TRIO: variants seen among roughly 807,000 people sequenced by gnomAD.
TRIO encodes triple functional domain protein.
A neutral mutation model predicts 351.9 loss-of-function variants in TRIO; 58 were observed. That is an observed-to-expected ratio of 0.16 (90% CI 0.13 to 0.21). The LOEUF (loss-of-function observed/expected upper bound fraction) is 0.21, where lower values mean the gene tolerates loss of function less well. TRIO is among the 10% of genes least tolerant of loss of function. The pLI is 1.00. For missense variants in TRIO, 3,201 were observed against 4,027.8 expected (o/e 0.79, Z 5.56); for synonymous variants, 1,758 against 1,595.7 (o/e 1.10, Z -2.42).
At chr5:14,317,622 G>T (rs1739483904) in intron 9 of TRIO, among the ~76,000 whole-genome samples, 1 of 152,186 alleles carries the variant, frequency 6.6e-6, no homozygotes. Flanking sequence ...GTGTTCTGAT[G>T]AGACTGAGAT....
intron 34 of TRIO, among the ~76,000 whole-genome samples, chr5:14,449,483 C>T (rs947489002): frequency 6.6e-6 from 1 of 152,200 alleles, no homozygotes; most frequent in Non-Finnish European, 1.5e-5. Context: ...GCCCAACAAC[C>T]ACCACTTGAT....
rs57424190 is a variant in TRIO at position 14,291,788 on chromosome 5, T to TAAA, written c.1053+586_1053+588dup. Among the ~76,000 whole-genome samples the TAAA allele has an allele frequency of 4.3e-3, 433 of 100,880 alleles. 18 individuals are homozygous for TAAA. The highest frequency in any genetic ancestry group is 0.019 in the African/African-American group (416 of 22,468). The allele number at this position is 100,880 out of a possible 152,430, so 66.2% of individuals were successfully genotyped here. A position where few individuals can be genotyped will look rare whatever the true frequency, so the allele number is the denominator to read the frequency against. ...TGGGCGACAGAGTGAGACTCCGTCT[T>TAAA]AAAAAAAAAAAAAAAAAAAAAAAAA... On this transcript the variant is annotated intron_variant, in intron 5 of 56. Coordinates refer to ENST00000344204, the MANE Select transcript of TRIO (RefSeq NM_007118.4).
In TRIO at chr5:14,286,955, C is replaced by T. The variant is rs1269911215; in HGVS notation, c.432C>T (p.Ile144=). 6.2e-7 allele frequency: 1 copy of T among 1,614,200 alleles called. No individual in the cohort carries two copies. The highest frequency in any genetic ancestry group is 1.3e-5 in the African/African-American group (1 of 75,052). Residue 144 remains isoleucine (I), a synonymous_variant, in exon 4 of 57, where the codon ATC becomes ATT. Transcript: ENST00000344204. The surrounding 1 kb of genome is among the most constrained non-coding windows in gnomAD (Gnocchi z 4.4). ...ACTCCATCAAGCCCCTTCTGAAGAT[C>T]CTGCAGGAGTCCTTCCCCTGCTGCA... ...KWDSIKPLLK[I]LQESFPCCIH...
chr5:14,424,840 C>T (rs1359677982), intron 34 of TRIO, among the ~76,000 whole-genome samples: 1 of 152,178 alleles, frequency 6.6e-6, no homozygotes, highest in East Asian at 1.9e-4. Flanking sequence ...GTGGGTCCAC[C>T]CTGCTTTTCT....
intron 1 of TRIO, among the ~76,000 whole-genome samples, chr5:14,156,782 C>CT (rs1358012448): frequency 6.6e-6 from 1 of 152,166 alleles, no homozygotes; most frequent in African/African-American, 2.4e-5. Flanking sequence ...AGCTCAGTGC[C>CT]TTGTCAGTTA....
At chr5:14,181,276 C>T in intron 1 of TRIO, among the ~76,000 whole-genome samples, 1 of 152,166 alleles carries the variant, frequency 6.6e-6, no homozygotes, top group Admixed American at 6.5e-5. Context: ...AGGAAATGTC[C>T]TTTCAGATAC....
intron 27 of TRIO, among the ~76,000 whole-genome samples, chr5:14,393,716 C>T (rs1747315486): frequency 6.6e-6 from 1 of 152,122 alleles, no homozygotes; most frequent in African/African-American, 2.4e-5. Context: ...AGGAATACAA[C>T]CTTTACATGC....
At chr5:14,179,158 T>C (rs1267050495) in intron 1 of TRIO, among the ~76,000 whole-genome samples, 15 of 152,116 alleles carry the variant, frequency 9.9e-5, no homozygotes, top group Non-Finnish European at 2.1e-4. Context: ...CACGTCGGTG[T>C]CCCGTCCTGC....
chr5:14,239,767 CAG>C (rs540957465), intron 1 of TRIO, among the ~76,000 whole-genome samples: 68 of 152,284 alleles, frequency 4.5e-4, no homozygotes, highest in Middle Eastern at 3.4e-3. Context: ...AGATTTAGAA[CAG>C]AGGCGCAAAA....
intron 11 of TRIO, among the ~76,000 whole-genome samples, chr5:14,351,685 G>C (rs1388723490): frequency 6.6e-6 from 1 of 152,234 alleles, no homozygotes; most frequent in South Asian, 2.1e-4. Flanking sequence ...AGTGCTCCAA[G>C]AATTTCCCAA....
chr5:14,366,811 G>A (rs891080557), intron 15 of TRIO, 49 bp from the exon 16 acceptor site: 6 of 1,611,564 alleles, frequency 3.7e-6, no homozygotes, highest in Admixed American at 1.7e-5. Context: ...TGGTCCACAG[G>A]ATTCTCTGGG....
chr5:14,472,721 G>A (rs926185877), intron 39 of TRIO, 63 bp downstream of exon 39: 26 of 1,544,792 alleles, frequency 1.7e-5, no homozygotes, highest in Middle Eastern at 1.7e-4. Context: ...AAGTAGTATC[G>A]TTTTAGACAG....
intron 11 of TRIO, among the ~76,000 whole-genome samples, chr5:14,350,092 G>A (rs1323433538): frequency 6.6e-6 from 1 of 152,178 alleles, no homozygotes; most frequent in Non-Finnish European, 1.5e-5. Context: ...CTCTGAAAGG[G>A]GAGAGTGTTG....
At chr5:14,186,831 G>A (rs1344902413) in intron 1 of TRIO, among the ~76,000 whole-genome samples, 1 of 152,080 alleles carries the variant, frequency 6.6e-6, no homozygotes, top group East Asian at 1.9e-4. Flanking sequence ...ACCTGTCTCG[G>A]CCTCCCAAAA....
In TRIO at chr5:14,488,201, C is replaced by A; in HGVS notation, c.7573C>A (p.Arg2525Ser). 6.3e-7 allele frequency: 1 copy of A among 1,596,080 alleles called. No individual in the cohort carries two copies. Among genetic ancestry groups the A allele is most frequent in the East Asian group, 2.2e-5 (1 of 44,658 alleles). ...RHAAPGKDTD[R>S]MSTCSSASEQ... is the part of the protein sequence containing the mutation. ...CGCGGCCCCTGGCAAGGATACTGAC[C>A]GCATGAGCACGTGCTCCTCGGCCAG... Residue 2525 changes from arginine to serine, a missense_variant, in exon 48 of 57, where the codon CGC becomes AGC. Coordinates refer to ENST00000344204, the MANE Select transcript of TRIO (RefSeq NM_007118.4).
intron 8 of TRIO, among the ~76,000 whole-genome samples, chr5:14,307,712 A>C (rs1033181705): frequency 6.6e-6 from 1 of 152,200 alleles, no homozygotes; most frequent in Non-Finnish European, 1.5e-5. Flanking sequence ...CTCTAATAGA[A>C]TACCAGTCTC....
rs114650648 is a variant in TRIO at position 14,368,146 on chromosome 5, A to G, written c.2875-562A>G. Among the ~76,000 whole-genome samples the G allele has an allele frequency of 9.0e-3, 1,374 of 152,302 alleles. 18 individuals carry two copies. The highest frequency in any genetic ancestry group is 0.031 in the African/African-American group (1,290 of 41,558). The stretch of plus-strand genomic sequence containing the variant: ...TGAGCAAAATCCTACTGCATTTGCC[A>G]TGCCATTTGCATAGATTTATCAGAT... On this transcript the variant is annotated intron_variant, in intron 16 of 56. Coordinates refer to ENST00000344204, the MANE Select transcript of TRIO (RefSeq NM_007118.4).
At position 14,346,367 on chromosome 5, in the gene TRIO, A is replaced by G. The variant is rs565141098; in HGVS notation, c.2046+9640A>G. 1.4e-4 allele frequency among the ~76,000 whole-genome samples: 21 copies of G among 152,330 alleles called. No homozygotes were observed. The South Asian group carries it at 4.1e-3, about 30-fold the overall frequency. On this transcript the variant is annotated intron_variant, in intron 11 of 56. Transcript: ENST00000344204. ...AAGCCCCAAATGGTGAAGGCTTTGTAAGGAAAGACTTATTTAATCTAAGCA... is the reference window on the plus strand; with the variant it reads ...AAGCCCCAAATGGTGAAGGCTTTGTGAGGAAAGACTTATTTAATCTAAGCA...
intron 11 of TRIO, among the ~76,000 whole-genome samples, chr5:14,340,982 C>T (rs145087180): frequency 8.5e-5 from 13 of 152,310 alleles, no homozygotes; most frequent in African/African-American, 2.4e-4. Context: ...TCCTGAGGTT[C>T]GTAGCCTCCT....
Sources: allele counts gnomAD v4.1 joint callset (sites outside exome capture counted in the v4.1 genomes callset), GRCh38; gene constraint gnomAD v4.1.1; non-coding constraint Gnocchi (gnomAD v3.1); transcripts MANE v1.5; gene names NCBI Gene and HGNC (gene_info 2026-07-23, HGNC 2026-07-21).